Variants in ATP2B1 observed in about 807,000 individuals in gnomAD.
ATP2B1 encodes plasma membrane calcium-transporting ATPase 1.
ATP2B1 carries 14 observed loss-of-function variants against 124.2 expected under a neutral mutation model. That is an observed-to-expected ratio of 0.11 (90% CI 0.07 to 0.18). The LOEUF (loss-of-function observed/expected upper bound fraction) is 0.18, where lower values mean the gene tolerates loss of function less well. ATP2B1 is among the 10% of genes least tolerant of loss of function. ATP2B1 has a pLI of 1.00. For missense variants in ATP2B1, 763 were observed against 1,466.1 expected, an observed-to-expected ratio of 0.52 and a Z score of 7.83; for synonymous variants, 449 against 492.4, an observed-to-expected ratio of 0.91 and a Z score of 1.17.
In ATP2B1 at chr12:89,693,593, A is replaced by G. The variant is rs976243706; in HGVS notation, c.-222+15003T>C. On this transcript the variant is annotated intron_variant, in intron 1 of 20. Coordinates refer to ENST00000428670, the MANE Select transcript of ATP2B1 (RefSeq NM_001366521.1). ...TGCCTATTAAGTTTTGTGAATTCTT[A>G]TTTTTTACTTTAAAAACCTTCCTTT... Among the ~76,000 whole-genome samples, 44 of 67,566 alleles carry G rather than the reference A, an allele frequency of 6.5e-4. 2 individuals carry two copies. The allele number at this position is 67,566 out of a possible 152,430, so 44.3% of individuals were successfully genotyped here. A position where few individuals can be genotyped will look rare whatever the true frequency, so the allele number is the denominator to read the frequency against.
rs1873369837 is a variant in ATP2B1 at position 89,590,542 on chromosome 12, C to T, written c.*442G>A. 1 of 156,292 alleles carries T rather than the reference C, an allele frequency of 6.4e-6. No individual in the cohort carries two copies. Among genetic ancestry groups the T allele is most frequent in the Non-Finnish European group, 1.4e-5 (1 of 70,244 alleles). 9.7% of individuals were successfully genotyped at this position (156,292 alleles called of 1,614,324 possible). ...GTATCTACAAACCTTGTAAACAGAT[C>T]TGTATCATTTATAAACATAAATAAT... On this transcript the variant is annotated 3_prime_UTR_variant, in exon 21 of 21. Transcript: ENST00000428670.
chr12:89,602,344 T>C (rs970834210), intron 18 of ATP2B1, among the ~76,000 whole-genome samples: 2 of 152,188 alleles, frequency 1.3e-5, no homozygotes, highest in African/African-American at 4.8e-5. Context: ...AGGCCTCTCT[T>C]TGATATGGCA....
intron 20 of ATP2B1, among the ~76,000 whole-genome samples, chr12:89,598,343 C>CA (rs756006127): frequency 1.3e-5 from 2 of 152,144 alleles, no homozygotes; most frequent in African/African-American, 2.4e-5. Flanking sequence ...TATTAACTAT[C>CA]AGAGTTAGCA....
intron 3 of ATP2B1, among the ~76,000 whole-genome samples, chr12:89,638,548 C>A (rs1883040289): frequency 6.6e-6 from 1 of 152,238 alleles, no homozygotes; most frequent in Admixed American, 6.5e-5. Context: ...GACAGGAGAA[C>A]CGAGCTATCT....
intron 3 of ATP2B1, among the ~76,000 whole-genome samples, chr12:89,640,912 T>C (rs1361310795): frequency 1.3e-5 from 2 of 152,220 alleles, no homozygotes; most frequent in African/African-American, 2.4e-5. Context: ...ACGTTTCCTG[T>C]ACAGCCTGCA....
intron 2 of ATP2B1, among the ~76,000 whole-genome samples, chr12:89,653,251 C>T (rs1352972279): frequency 6.7e-6 from 1 of 149,698 alleles, no homozygotes; most frequent in Non-Finnish European, 1.5e-5. Flanking sequence ...TCTAATAGCC[C>T]AAAGCAGCAA....
At chr12:89,659,295 T>G (rs1027077844) in intron 1 of ATP2B1, among the ~76,000 whole-genome samples, 2 of 151,760 alleles carry the variant, frequency 1.3e-5, no homozygotes, top group Non-Finnish European at 2.9e-5. Flanking sequence ...CTTACAAAAT[T>G]TATCCCAGAA....
In ATP2B1 at chr12:89,589,545, ATTG is replaced by A. The variant is rs1402847944; in HGVS notation, c.*1436_*1438del. 2.0e-5 allele frequency: 3 copies of A among 152,114 alleles called. No homozygotes were observed. Among genetic ancestry groups the A allele is most frequent in the Non-Finnish European group, 2.9e-5 (2 of 67,990 alleles). 9.4% of individuals were successfully genotyped at this position (152,114 alleles called of 1,614,324 possible). On this transcript the variant is annotated 3_prime_UTR_variant, in exon 21 of 21. Coordinates refer to ENST00000428670, the MANE Select transcript of ATP2B1 (RefSeq NM_001366521.1). ...AAATGTATCAAAGACAATGGTGGTC[ATTG>A]TTGTTATGTTTTTTACCTGTGAGAC...
intron 1 of ATP2B1, among the ~76,000 whole-genome samples, chr12:89,668,009 C>T (rs1379834349): frequency 6.6e-6 from 1 of 152,144 alleles, no homozygotes; most frequent in South Asian, 2.1e-4. Flanking sequence ...TACGTGACTT[C>T]AAGAAGAGCT....
intron 1 of ATP2B1, among the ~76,000 whole-genome samples, chr12:89,693,713 T>C (rs1890803916): frequency 6.6e-6 from 1 of 152,250 alleles, no homozygotes; most frequent in Non-Finnish European, 1.5e-5. Flanking sequence ...CTCTCTTTCA[T>C]CTGCAGTGTG....
At chr12:89,652,949 A>G (rs1219139774) in intron 2 of ATP2B1, among the ~76,000 whole-genome samples, 2 of 152,150 alleles carry the variant, frequency 1.3e-5, no homozygotes, top group Non-Finnish European at 2.9e-5. Flanking sequence ...GGCTGGTCCT[A>G]AACTCCTAGG....
At chr12:89,601,536 C>G (rs375545786) in intron 18 of ATP2B1, 103 bp from the exon 19 acceptor site, 2 of 639,016 alleles carry the variant, frequency 3.1e-6, no homozygotes, top group Non-Finnish European at 5.0e-6. Flanking sequence ...GGTGAACAAC[C>G]ACTATTCTGA....
intron 7 of ATP2B1, among the ~76,000 whole-genome samples, chr12:89,626,914 C>T (rs2681491): frequency 0.94 from 142,432 of 152,246 alleles, 66,841 homozygotes; most frequent in East Asian, 0.99. Context: ...TGTTAGGTAA[C>T]ATCTAAACAA....
chr12:89,606,180 G>A (rs1352632538), intron 15 of ATP2B1, among the ~76,000 whole-genome samples: 1 of 152,190 alleles, frequency 6.6e-6, no homozygotes, highest in Non-Finnish European at 1.5e-5. Context: ...GGGATAGGTA[G>A]TGAGCATGAA....
intron 1 of ATP2B1, among the ~76,000 whole-genome samples, chr12:89,706,960 C>T (rs972342420): frequency 5.9e-5 from 9 of 152,190 alleles, no homozygotes; most frequent in African/African-American, 2.2e-4. Flanking sequence ...CTAAAACGTC[C>T]TCCTGAAATC....
chr12:89,647,556 G>A (rs756357748), intron 2 of ATP2B1, among the ~76,000 whole-genome samples: 7 of 152,128 alleles, frequency 4.6e-5, no homozygotes, highest in Admixed American at 2.0e-4. Flanking sequence ...AGATTTAACC[G>A]ACAATCACAG....
intron 1 of ATP2B1, among the ~76,000 whole-genome samples, chr12:89,686,706 A>C (rs1015488633): frequency 6.6e-6 from 1 of 152,152 alleles, no homozygotes; most frequent in Non-Finnish European, 1.5e-5. Flanking sequence ...CACTATGCCT[A>C]CATCGGTGCA....
rs998318456 is a variant in ATP2B1, at chr12:89,589,743, A to G, written c.*1241T>C. ...GTGGTCAAAGAGAACAGACTGATGC[A>G]CTGTATATGCAGAACTGAGTAAAGA... is the stretch of plus-strand genomic sequence containing the variant. On this transcript the variant is annotated 3_prime_UTR_variant, in exon 21 of 21. Transcript: ENST00000428670. 2.6e-5 allele frequency: 4 copies of G among 152,156 alleles called. No individual in the cohort carries two copies. The highest frequency in any genetic ancestry group is 5.9e-5 in the Non-Finnish European group (4 of 68,000). 9.4% of individuals were successfully genotyped at this position (152,156 alleles called of 1,614,324 possible).
rs974433551 is a variant in ATP2B1 at position 89,590,128 on chromosome 12, C to G, written c.*856G>C. On this transcript the variant is annotated 3_prime_UTR_variant, in exon 21 of 21. Transcript: ENST00000428670. ...TTGATGTCCTGCATTAAACAATCTA[C>G]TAAATTCTGAACAAAAGGTTATTAG... 2 of 152,520 alleles carry G rather than the reference C, an allele frequency of 1.3e-5. No homozygotes were observed. The highest frequency in any genetic ancestry group is 2.9e-5 in the Non-Finnish European group (2 of 67,992). 9.4% of individuals were successfully genotyped at this position (152,520 alleles called of 1,614,324 possible). A position where few individuals can be genotyped will look rare whatever the true frequency, so the allele number is the denominator to read the frequency against.
Sources: gnomAD v4.1 joint callset for allele counts (sites outside exome capture counted in the v4.1 genomes callset) on GRCh38, gnomAD v4.1.1 for gene constraint, MANE v1.5 for transcripts, NCBI Gene and HGNC (gene_info 2026-07-23, HGNC 2026-07-21) for gene names.